CLPTM1: variants seen among roughly 807,000 people sequenced by gnomAD.
CLPTM1 encodes CLPTM1 regulator of GABA type A receptor forward trafficking.
In CLPTM1, 21 loss-of-function variants were observed where a neutral mutation model predicts 77.3. The observed-to-expected ratio is 0.27, with a 90% CI of 0.19 to 0.39. The LOEUF (loss-of-function observed/expected upper bound fraction) is 0.39, where lower values mean the gene tolerates loss of function less well. Ranked by LOEUF, CLPTM1 falls within the 10% of genes least tolerant of loss-of-function variation. The probability of loss-of-function intolerance (pLI) is 1.00; values close to 1 mark genes in which losing one functional copy is unlikely to be tolerated. For synonymous variants in CLPTM1, 373 were observed against 381.0 expected, an observed-to-expected ratio of 0.98 and a Z score of 0.24; for missense variants, 642 against 921.2, an observed-to-expected ratio of 0.70 and a Z score of 3.92.
rs1211504292 is a variant in CLPTM1, at chr19:44,991,643, C to T, written c.1555+270C>T. 1.3e-5 allele frequency among the ~76,000 whole-genome samples: 2 copies of T among 152,172 alleles called. No individual in the cohort carries two copies. The highest frequency in any genetic ancestry group is 4.8e-5 in the African/African-American group (2 of 41,436). On this transcript the variant is annotated intron_variant, in intron 12 of 13. Transcript: ENST00000337392. This position sits in a 1 kb window ranked among gnomAD's most constrained non-coding sequence, Gnocchi z 5.4. ...GTAGGGCCAGGTGCAGTGGCTCACA[C>T]CTGTTATCCCAATGCTTTGGGAGGC...
chr19:44,962,677 C>T (rs1974148175), intron 2 of CLPTM1, among the ~76,000 whole-genome samples: 1 of 152,150 alleles, frequency 6.6e-6, no homozygotes, highest in South Asian at 2.1e-4. Context: ...CCCTCATAAT[C>T]CCAGCATTTT....
chr19:44,967,850 A>G lies in CLPTM1; in HGVS notation c.186-5237A>G, dbSNP rs192343551. Among the ~76,000 whole-genome samples the G allele has an allele frequency of 3.0e-3, 450 of 152,232 alleles. 4 individuals are homozygous for G. The highest frequency in any genetic ancestry group is 9.9e-3 in the African/African-American group (413 of 41,542). On this transcript the variant is annotated intron_variant, in intron 2 of 13. Coordinates refer to ENST00000337392, the MANE Select transcript of CLPTM1 (RefSeq NM_001294.4). Reference sequence around the variant, plus strand: ...CTCAAAAATTCCTGCCATGTGCCCTACGCTTCTCAGTCATGCGCCCCTGTC... The same window carrying G: ...CTCAAAAATTCCTGCCATGTGCCCTGCGCTTCTCAGTCATGCGCCCCTGTC...
chr19:44,965,923 G>A (rs1448124850), intron 2 of CLPTM1, among the ~76,000 whole-genome samples: 1 of 152,240 alleles, frequency 6.6e-6, no homozygotes, highest in Non-Finnish European at 1.5e-5. Context: ...TTTAATCTGG[G>A]AAACTGAGCA....
intron 4 of CLPTM1, among the ~76,000 whole-genome samples, chr19:44,974,869 A>T (rs907765274): frequency 6.6e-6 from 1 of 152,200 alleles, no homozygotes; most frequent in Non-Finnish European, 1.5e-5. Flanking sequence ...AACTGGTGAA[A>T]GATTAGTAAT....
In CLPTM1 at chr19:44,974,600, G is replaced by A. The variant is rs757701159; in HGVS notation, c.468+3G>A. 1.2e-6 allele frequency: 2 copies of A among 1,612,822 alleles called. No homozygotes were observed. The highest frequency in any genetic ancestry group is 1.7e-6 in the Non-Finnish European group (2 of 1,179,034). On this transcript the variant is annotated splice_donor_region_variant and intron_variant, in intron 4 of 13. Transcript: ENST00000337392. Reference sequence around the variant, plus strand: ...TTGCTGAGCTCGATATCCCACAGGTGGGGGCAGCTCTCGGTTTCTGGCCCC... The same window carrying A: ...TTGCTGAGCTCGATATCCCACAGGTAGGGGCAGCTCTCGGTTTCTGGCCCC...
chr19:44,973,323 C>T (rs1351670979), intron 3 of CLPTM1, 113 bp downstream of exon 3: 1 of 1,437,886 alleles, frequency 7.0e-7, no homozygotes, highest in African/African-American at 1.4e-5. Context: ...ACTGGCAGGT[C>T]TAGGAAAACA....
In CLPTM1 at chr19:44,965,896, G is replaced by A. The variant is rs180780641; in HGVS notation, c.185+3821G>A. 3.9e-3 allele frequency among the ~76,000 whole-genome samples: 599 copies of A among 152,354 alleles called. 5 individuals carry two copies. The highest frequency in any genetic ancestry group is 0.014 in the African/African-American group (574 of 41,576). On this transcript the variant is annotated intron_variant, in intron 2 of 13. Coordinates refer to ENST00000337392, the MANE Select transcript of CLPTM1 (RefSeq NM_001294.4). ...CATGGCCATGGCCAGCTGCACGGGA[G>A]GCTGGGAAATGTGGTCTTTAATCTG...
At position 44,990,438 on chromosome 19, in the gene CLPTM1, C is replaced by T. The variant is rs753757741; in HGVS notation, c.1176C>T (p.Ser392=). 24 of 1,614,066 alleles carry T rather than the reference C, an allele frequency of 1.5e-5. No homozygotes were observed. Among genetic ancestry groups the T allele is most frequent in the Middle Eastern group, 1.7e-4 (1 of 6,060 alleles). The change falls in exon 10 of 14, where the codon TCC becomes TCT. Residue 392 remains serine, a synonymous_variant. Coordinates refer to ENST00000337392, the MANE Select transcript of CLPTM1 (RefSeq NM_001294.4). The surrounding 1 kb of genome is among the most constrained non-coding windows in gnomAD (Gnocchi z 4.8). ...GCCGGCAGTCCCTGGAGGGCCTGTC[C>T]GTGCGCTCCGTCTTCTTCGGCGTTT... The part of the protein sequence containing the change: ...WNSRQSLEGL[S]VRSVFFGVFQ...
intron 4 of CLPTM1, among the ~76,000 whole-genome samples, chr19:44,975,135 G>C (rs968146477): frequency 7.9e-5 from 12 of 152,164 alleles, no homozygotes; most frequent in Admixed American, 7.2e-4. Flanking sequence ...GTGGACTCTC[G>C]CAGCCCTAGG....
At chr19:44,954,703 T>A, upstream of CLPTM1, 1 of 1,190,104 alleles carries the variant, frequency 8.4e-7, no homozygotes, top group Non-Finnish European at 1.0e-6. Context: ...GGATGCGAGG[T>A]TTGGACCACT....
At chr19:44,987,708 C>G in intron 8 of CLPTM1, 1 of 551,562 alleles carries the variant, frequency 1.8e-6, no homozygotes, top group Admixed American at 3.2e-5. Flanking sequence ...GGCCCTGGCT[C>G]CAACTCTGTG....
intron 2 of CLPTM1, among the ~76,000 whole-genome samples, chr19:44,962,835 G>C (rs1292596772): frequency 6.6e-6 from 1 of 151,886 alleles, no homozygotes; most frequent in Non-Finnish European, 1.5e-5. Context: ...GGAGGCCGAG[G>C]CGGGTGGATC....
rs112692298 is a variant in CLPTM1, at chr19:44,970,055, G to C, written c.186-3032G>C. On this transcript the variant is annotated intron_variant, in intron 2 of 13. Coordinates refer to ENST00000337392, the MANE Select transcript of CLPTM1 (RefSeq NM_001294.4). Reference sequence around the variant, plus strand: ...TTCCTTTTGTGCCTGGCTTATCTCTGTCTGTGTCCTAGTCATTATACTTGA... The same window carrying C: ...TTCCTTTTGTGCCTGGCTTATCTCTCTCTGTGTCCTAGTCATTATACTTGA... 2.5e-3 allele frequency among the ~76,000 whole-genome samples: 373 copies of C among 147,706 alleles called. 69 individuals are homozygous for C. Among genetic ancestry groups the C allele is most frequent in the African/African-American group, 9.5e-3 (359 of 37,946 alleles).
chr19:44,972,891 G>T (rs1288085662), intron 2 of CLPTM1, among the ~76,000 whole-genome samples, 196 bp from the exon 3 acceptor site: 2 of 152,064 alleles, frequency 1.3e-5, no homozygotes, highest in East Asian at 3.9e-4. Context: ...TGGCATCTGG[G>T]CTCCCTCCCC....
At chr19:44,987,027 A>G (rs204469) in intron 7 of CLPTM1, 152 bp from the exon 8 acceptor site, 958,789 of 1,016,544 alleles carry the variant, frequency 0.94, 452,933 homozygotes, top group Non-Finnish European at 0.96. Flanking sequence ...AGGTCAAGGC[A>G]CCCTTTAGCT....
At chr19:44,989,095 G>C (rs999441115) in intron 9 of CLPTM1, among the ~76,000 whole-genome samples, 1 of 152,192 alleles carries the variant, frequency 6.6e-6, no homozygotes, top group African/African-American at 2.4e-5. Flanking sequence ...GGGCCTGAAA[G>C]GTCAAGGCTG....
rs780552418 is a variant in CLPTM1 at position 44,987,316 on chromosome 19, T to A, written c.931T>A (p.Ser311Thr). The A allele has an allele frequency of 2.3e-5, 37 of 1,614,236 alleles. No homozygotes were observed. The highest frequency in any genetic ancestry group is 3.0e-5 in the Non-Finnish European group (35 of 1,180,032). Residue 311 changes from serine (S) to threonine (T), a missense_variant, in exon 8 of 14, where the codon TCG becomes ACG. Physicochemically the swap from Ser to Thr is moderately conservative, Grantham distance 58. Around this residue, in one of 2 missense-constraint regions of CLPTM1, gnomAD observed 521 missense variants for 800.4 expected, o/e 0.65. Coordinates refer to ENST00000337392, the MANE Select transcript of CLPTM1 (RefSeq NM_001294.4). ...GCTCCGCGTCTCCTTCTGCCCACTC[T>A]CGCTTTGGCGCTGGCAGCTCTATGC... ...LPLRVSFCPLSLWRWQLYAAQ... is the reference protein window; with the variant it reads ...LPLRVSFCPLTLWRWQLYAAQ...
At chr19:44,983,641 A>AG (rs1277520314) in intron 5 of CLPTM1, among the ~76,000 whole-genome samples, 44 of 147,852 alleles carry the variant, frequency 3.0e-4, no homozygotes, top group African/African-American at 1.0e-3. Flanking sequence ...AAAAAAAAAA[A>AG]AAAAGAAAAG....
At chr19:44,958,429 C>T (rs1030101593) in intron 1 of CLPTM1, among the ~76,000 whole-genome samples, 2 of 151,354 alleles carry the variant, frequency 1.3e-5, no homozygotes, top group Non-Finnish European at 1.5e-5. Context: ...CTCGCTTTCT[C>T]ACCACAATCT....
Sources: allele counts gnomAD v4.1 joint callset (sites outside exome capture counted in the v4.1 genomes callset), GRCh38; gene constraint gnomAD v4.1.1; regional missense constraint gnomAD v4.1.1; non-coding constraint Gnocchi (gnomAD v3.1); transcripts MANE v1.5; gene names NCBI Gene and HGNC (gene_info 2026-07-23, HGNC 2026-07-21).